The following CEP164 variants were observed in gnomAD, a reference collection of about 807,000 sequenced individuals.
The protein encoded by CEP164 is centrosomal protein 164.
In CEP164, 162 loss-of-function variants were observed where a neutral mutation model predicts 182.7. The observed-to-expected ratio is 0.89, with a 90% CI of 0.78 to 1.01. The LOEUF (loss-of-function observed/expected upper bound fraction) is 1.01, where lower values mean the gene tolerates loss of function less well. CEP164 is among the 50% of genes least tolerant of loss of function. CEP164 has a pLI of 0.00. For synonymous variants in CEP164, 661 were observed against 690.0 expected (o/e 0.96, Z 0.66); for missense variants, 1,735 against 1,790.4 (o/e 0.97, Z 0.56).
chr11:117,355,184 A>C (rs746311955), intron 5 of CEP164: 1 of 1,289,862 alleles, frequency 7.8e-7, no homozygotes, highest in South Asian at 1.2e-5. Flanking sequence ...CTTTGCTGAC[A>C]TGGAGAAAAT....
At position 117,355,153 on chromosome 11, in the gene CEP164, A is replaced by T. The variant is rs567297426; in HGVS notation, c.393+3165A>T. On this transcript the variant is annotated intron_variant, in intron 5 of 32. Transcript: ENST00000278935. ...AGCTGCAGCCACTCTCCAAAGGCCA[A>T]CCTTCCCAAATCCACCAGGTCTTTG... 3.9e-6 allele frequency: 5 copies of T among 1,289,692 alleles called. No homozygotes were observed. In the African/African-American group the frequency reaches 7.6e-5, roughly 20 times the overall value. The allele number at this position is 1,289,692 out of a possible 1,614,324, so 79.9% of individuals were successfully genotyped here. A position where few individuals can be genotyped will look rare whatever the true frequency, so the allele number is the denominator to read the frequency against.
At chr11:117,322,187 C>T (rs2035267659) in intron 1 of CEP164, among the ~76,000 whole-genome samples, 1 of 152,146 alleles carries the variant, frequency 6.6e-6, no homozygotes, top group South Asian at 2.1e-4. Context: ...GTGATCTTGG[C>T]TCACTACAAC....
At chr11:117,344,315 G>A (rs765719038) in intron 4 of CEP164, 38 bp downstream of exon 4, 1 of 1,367,496 alleles carries the variant, frequency 7.3e-7, no homozygotes, top group Non-Finnish European at 1.0e-6. Context: ...ACTTGGCCTA[G>A]CAGAGGCAGA....
Position 117,345,912 on chromosome 11 carries a change from C to T in CEP164, c.194+1635C>T, listed in dbSNP as rs149896206. ...ATGTTGGCCAGGCTGGCCTCAAACT[C>T]CTGACCTCAGGTTGTCCACCTGCCT... On this transcript the variant is annotated intron_variant, in intron 4 of 32. Transcript: ENST00000278935. Among the ~76,000 whole-genome samples the T allele has an allele frequency of 3.8e-3, 577 of 152,256 alleles. 8 individuals carry two copies. Among genetic ancestry groups the T allele is most frequent in the African/African-American group, 0.014 (562 of 41,552 alleles).
chr11:117,394,311 T>C lies in CEP164; in HGVS notation c.2617-39T>C, dbSNP rs373198094. On this transcript the variant is annotated intron_variant, in intron 20 of 32. Coordinates refer to ENST00000278935, the MANE Select transcript of CEP164 (RefSeq NM_014956.5). This position sits in a 1 kb window ranked among gnomAD's most constrained non-coding sequence, Gnocchi z 4.0. ...CTGTGATTTTTGTGGTAGAAGGGGC[T>C]GCCGCAGCTTCCCACCGGTGGGCCC... The C allele has an allele frequency of 2.0e-5, 32 of 1,562,106 alleles. No homozygotes were observed. The African/African-American group carries it at 3.4e-4, about 16-fold the overall frequency.
rs1398421283 is a variant in CEP164, at chr11:117,380,667, T to C, written c.1371T>C (p.Asp457=). The part of the protein sequence containing the change: ...EDKDDSQSSQ[D]ELQSKQSKGL... ...AGGATGACAGCCAGTCCAGCCAAGA[T>C]GAGCTGCAGAGCAAGCAGTCCAAAG... Residue 457 remains aspartate, a synonymous_variant, in exon 12 of 33, where the codon GAT becomes GAC. Transcript: ENST00000278935. 6.2e-7 allele frequency: 1 copy of C among 1,609,264 alleles called. No individual in the cohort carries two copies. Among genetic ancestry groups the C allele is most frequent in the South Asian group, 1.1e-5 (1 of 89,744 alleles).
At chr11:117,358,611 G>A (rs555077919) in intron 5 of CEP164, among the ~76,000 whole-genome samples, 31 of 145,864 alleles carry the variant, frequency 2.1e-4, no homozygotes, top group African/African-American at 7.1e-4. Context: ...TGGTGTGATC[G>A]TAGCTCATTG....
At chr11:117,357,740 T>G (rs903595233) in intron 5 of CEP164, among the ~76,000 whole-genome samples, 2 of 152,166 alleles carry the variant, frequency 1.3e-5, no homozygotes, top group Non-Finnish European at 2.9e-5. Context: ...AATATTCTTA[T>G]GAGAGACGGA....
chr11:117,363,497 T>A lies in CEP164; in HGVS notation c.756T>A (p.Phe252Leu), dbSNP rs1592171422. Reference protein sequence around the residue: ...HLDIGALGGDFEYEESLRTSQ... With the variant: ...HLDIGALGGDLEYEESLRTSQ... ...ACATTGGGGCACTGGGGGGTGACTTTGAGTATGAGGTAAGAGCCCTAATCC... is the reference window on the plus strand; with the variant it reads ...ACATTGGGGCACTGGGGGGTGACTTAGAGTATGAGGTAAGAGCCCTAATCC... The change falls in exon 8 of 33, where the codon TTT becomes TTA. Residue 252 changes from phenylalanine (F) to leucine (L), a missense_variant. By Grantham distance (22) the Phe-to-Leu change is conservative (BLOSUM62 0). Transcript: ENST00000278935. 6.2e-7 allele frequency: 1 copy of A among 1,613,518 alleles called. No individual in the cohort carries two copies. Among genetic ancestry groups the A allele is most frequent in the East Asian group, 2.2e-5 (1 of 44,890 alleles).
Position 117,411,660 on chromosome 11 carries a change from C to A in CEP164, c.4164-135C>A. ...GCAGATGTTTTGAAGCTTTGAATTG[C>A]TAGGGACCTCGGAGAAGCTGCTCTG... On this transcript the variant is annotated intron_variant, in intron 31 of 32. Coordinates refer to ENST00000278935, the MANE Select transcript of CEP164 (RefSeq NM_014956.5). The surrounding 1 kb of genome is among the most constrained non-coding windows in gnomAD (Gnocchi z 4.4). 1 of 1,253,186 alleles carries A rather than the reference C, an allele frequency of 8.0e-7. No individual in the cohort carries two copies. Among genetic ancestry groups the A allele is most frequent in the Non-Finnish European group, 1.1e-6 (1 of 899,708 alleles). 77.6% of individuals were successfully genotyped at this position (1,253,186 alleles called of 1,614,324 possible). A position where few individuals can be genotyped will look rare whatever the true frequency, so the allele number is the denominator to read the frequency against.
At chr11:117,373,610 G>A (rs995102570) in intron 9 of CEP164, 141 bp from the exon 10 acceptor site, 6 of 723,462 alleles carry the variant, frequency 8.3e-6, no homozygotes, top group Admixed American at 4.6e-5. Context: ...CACAGGCCTC[G>A]TTTAGGTTTT....
At chr11:117,336,536 T>C (rs1053857988) in intron 2 of CEP164, 12 of 1,526,902 alleles carry the variant, frequency 7.9e-6, no homozygotes, top group Non-Finnish European at 1.1e-5. Flanking sequence ...AAGGGTGGAT[T>C]GATAGGTGGT....
At chr11:117,405,033 C>T (rs1270538999) in intron 27 of CEP164, among the ~76,000 whole-genome samples, 4 of 152,206 alleles carry the variant, frequency 2.6e-5, no homozygotes, top group African/African-American at 9.6e-5. Flanking sequence ...CCCAGGTCTA[C>T]TTCAGACTGC....
At chr11:117,347,714 A>T (rs1025697479) in intron 4 of CEP164, among the ~76,000 whole-genome samples, 5 of 151,862 alleles carry the variant, frequency 3.3e-5, no homozygotes, top group African/African-American at 1.2e-4. Flanking sequence ...CCATCTCAAA[A>T]AAAAAAAAAA....
upstream of CEP164, among the ~76,000 whole-genome samples, chr11:117,323,190 C>T (rs532529744): frequency 6.6e-6 from 1 of 152,212 alleles, no homozygotes; most frequent in African/African-American, 2.4e-5. Flanking sequence ...TATGAGCCAC[C>T]GTGCCCAGCC....
intron 5 of CEP164, chr11:117,355,964 G>T (rs1360018380): frequency 3.6e-6 from 4 of 1,111,582 alleles, no homozygotes; most frequent in Non-Finnish European, 4.4e-6. Flanking sequence ...CCCTTATAAA[G>T]ATCAGAAGCC....
upstream of CEP164, among the ~76,000 whole-genome samples, chr11:117,325,371 C>T (rs2035391143): frequency 6.6e-6 from 1 of 152,060 alleles, no homozygotes; most frequent in Non-Finnish European, 1.5e-5. Flanking sequence ...AGGTGTGAGC[C>T]ACCACAGCCT....
upstream of CEP164, among the ~76,000 whole-genome samples, chr11:117,323,305 CTT>C (rs557331639): frequency 3.4e-5 from 5 of 146,538 alleles, no homozygotes; most frequent in Admixed American, 6.9e-5. Context: ...ATGAGATCAA[CTT>C]TTTTTTTTTT....
intron 8 of CEP164, among the ~76,000 whole-genome samples, chr11:117,363,759 C>CTTTTTTTT (rs72255760): frequency 1.7e-5 from 1 of 58,440 alleles, no homozygotes; most frequent in Non-Finnish European, 3.1e-5. Flanking sequence ...ACCTCCAATG[C>CTTTTTTTT]TTTTTTTTTT....
Sources: allele counts gnomAD v4.1 joint callset (sites outside exome capture counted in the v4.1 genomes callset), GRCh38; gene constraint gnomAD v4.1.1; non-coding constraint Gnocchi (gnomAD v3.1); transcripts MANE v1.5; gene names NCBI Gene and HGNC (gene_info 2026-07-23, HGNC 2026-07-21).